Variants in EPSTI1 observed in about 807,000 individuals in gnomAD.
The protein encoded by EPSTI1 is epithelial stromal interaction 1, also known as epithelial-stromal interaction protein 1.
In EPSTI1, 66 loss-of-function variants were observed where a neutral mutation model predicts 49.9. The ratio of observed to expected loss-of-function variants is 1.32; its 90% CI spans 1.08 to 1.62. The LOEUF (loss-of-function observed/expected upper bound fraction) is 1.62. Ranked by LOEUF, EPSTI1 falls within the 40% of genes most tolerant of loss-of-function variation. The probability of loss-of-function intolerance (pLI) is 0.00; values close to 1 mark genes in which losing one functional copy is unlikely to be tolerated. For synonymous variants in EPSTI1, 137 were observed against 130.7 expected (o/e 1.05, Z -0.33); for missense variants, 394 against 365.5 (o/e 1.08, Z -0.64).
At chr13:42,946,077 T>C (rs1344734497) in intron 6 of EPSTI1, among the ~76,000 whole-genome samples, 1 of 152,198 alleles carries the variant, frequency 6.6e-6, no homozygotes, top group Non-Finnish European at 1.5e-5. Flanking sequence ...CTTAAGTGTC[T>C]TTCAGAAGCT....
chr13:42,969,213 T>C (rs759097368), intron 2 of EPSTI1, 36 bp from the exon 3 acceptor site: 1 of 1,599,992 alleles, frequency 6.3e-7, no homozygotes, highest in Admixed American at 1.7e-5. Context: ...CGTCAATTAT[T>C]AGACTTCTAA....
At chr13:42,948,235 G>A (rs1271958428) in intron 6 of EPSTI1, among the ~76,000 whole-genome samples, 1 of 152,224 alleles carries the variant, frequency 6.6e-6, no homozygotes, top group Non-Finnish European at 1.5e-5. Context: ...GAGGTGGAGT[G>A]GAGAGAGGGG....
intron 5 of EPSTI1, among the ~76,000 whole-genome samples, chr13:42,961,040 T>C (rs2039433096): frequency 6.6e-6 from 1 of 152,234 alleles, no homozygotes; most frequent in African/African-American, 2.4e-5. Context: ...AGCATTATTC[T>C]GCCCACTACA....
intron 8 of EPSTI1, among the ~76,000 whole-genome samples, chr13:42,913,316 T>C (rs960912): frequency 0.15 from 22,252 of 152,054 alleles, 1,952 homozygotes; most frequent in East Asian, 0.29. Flanking sequence ...AAATCTACTT[T>C]AAACAATGAC....
chr13:42,963,933 T>C (rs1055770132), intron 4 of EPSTI1, 133 bp downstream of exon 4: 3 of 689,406 alleles, frequency 4.4e-6, no homozygotes, highest in African/African-American at 3.7e-5. Context: ...GCTTTGATTC[T>C]GAAAGCTGCC....
chr13:42,979,603 GAAAA>G (rs1566178812), intron 1 of EPSTI1, among the ~76,000 whole-genome samples: 1 of 93,752 alleles, frequency 1.1e-5, no homozygotes, highest in East Asian at 2.7e-4. Context: ...AAAAAAAAAA[GAAAA>G]GAAAAGAAAT....
In EPSTI1 at chr13:42,922,125, A is replaced by G. The variant is rs1268547266; in HGVS notation, c.657+4211T>C. Among the ~76,000 whole-genome samples the G allele has an allele frequency of 6.6e-6, 1 of 152,222 alleles. No individual in the cohort carries two copies. The highest frequency in any genetic ancestry group is 1.5e-5 in the Non-Finnish European group (1 of 68,038). On this transcript the variant is annotated intron_variant, in intron 7 of 10. Coordinates refer to ENST00000313624, the MANE Select transcript of EPSTI1 (RefSeq NM_033255.5). The surrounding 1 kb of genome is among the most constrained non-coding windows in gnomAD (Gnocchi z 4.8). Reference sequence around the variant, plus strand: ...AAGCTCAAATTACTGAATAATTATAAGAATGAGAGGAAGAAATGAGTTAAT... The same window carrying G: ...AAGCTCAAATTACTGAATAATTATAGGAATGAGAGGAAGAAATGAGTTAAT...
chr13:42,977,066 A>G (rs2039895730), intron 1 of EPSTI1, among the ~76,000 whole-genome samples: 1 of 152,220 alleles, frequency 6.6e-6, no homozygotes, highest in South Asian at 2.1e-4. Flanking sequence ...ATTATAAATA[A>G]TCCTACAGGA....
intron 8 of EPSTI1, among the ~76,000 whole-genome samples, chr13:42,907,049 C>T (rs2037518758): frequency 6.6e-6 from 1 of 152,164 alleles, no homozygotes; most frequent in Non-Finnish European, 1.5e-5. Flanking sequence ...CTGTCAACCA[C>T]AGTCACTCCA....
intron 6 of EPSTI1, among the ~76,000 whole-genome samples, chr13:42,945,608 G>A (rs969432965): frequency 1.2e-4 from 19 of 152,194 alleles, no homozygotes; most frequent in Non-Finnish European, 1.5e-4. Context: ...AACTAAACTT[G>A]ACAAAACATG....
chr13:42,924,878 A>G (rs1033896329), intron 7 of EPSTI1, among the ~76,000 whole-genome samples: 4 of 152,224 alleles, frequency 2.6e-5, no homozygotes, highest in African/African-American at 9.6e-5. Context: ...CTGACATTTA[A>G]AAACATGGTC....
chr13:42,898,669 A>G (rs905118976), intron 9 of EPSTI1, among the ~76,000 whole-genome samples: 4 of 152,204 alleles, frequency 2.6e-5, no homozygotes, highest in Admixed American at 6.5e-5. Context: ...CAAGATTCCT[A>G]TAACAAAAAA....
intron 5 of EPSTI1, among the ~76,000 whole-genome samples, chr13:42,958,143 C>A (rs1157019425): frequency 6.6e-6 from 1 of 152,120 alleles, no homozygotes; most frequent in African/African-American, 2.4e-5. Context: ...GAAACAAAAG[C>A]CAAATTCAGC....
At position 42,984,945 on chromosome 13, in the gene EPSTI1, T is replaced by G. The variant is rs566845497; in HGVS notation, c.188+7033A>C. On this transcript the variant is annotated intron_variant, in intron 1 of 10. Transcript: ENST00000313624. Reference sequence around the variant, plus strand: ...AACAGACATAAATAAGATGTCTAAGTGTTGAGGTTGCAGTAGGGTGTTTTA... The same window carrying G: ...AACAGACATAAATAAGATGTCTAAGGGTTGAGGTTGCAGTAGGGTGTTTTA... 2.3e-4 allele frequency among the ~76,000 whole-genome samples: 35 copies of G among 152,174 alleles called. No individual in the cohort carries two copies. The Middle Eastern group carries it at 0.014, about 59-fold the overall frequency.
intron 1 of EPSTI1, among the ~76,000 whole-genome samples, chr13:42,975,755 T>G (rs1321977107): frequency 6.6e-6 from 1 of 151,892 alleles, no homozygotes; most frequent in Admixed American, 6.6e-5. Flanking sequence ...CCATATAGAA[T>G]CGACCTGAGA....
intron 6 of EPSTI1, among the ~76,000 whole-genome samples, chr13:42,943,435 T>G (rs534289915): frequency 2.0e-5 from 3 of 152,358 alleles, no homozygotes; most frequent in South Asian, 4.1e-4. Context: ...ATGTGGATTG[T>G]ATCAGTTAAT....
chr13:42,978,851 T>C (rs2039931464), intron 1 of EPSTI1, among the ~76,000 whole-genome samples: 1 of 152,240 alleles, frequency 6.6e-6, no homozygotes, highest in African/African-American at 2.4e-5. Context: ...CCTTTCTTCA[T>C]GCTGTGACTG....
Position 42,917,639 on chromosome 13 carries a change from A to AT in EPSTI1, c.658-16_658-15insA. The AT allele has an allele frequency of 7.9e-6, 9 of 1,133,184 alleles. No homozygotes were observed. Among genetic ancestry groups the AT allele is most frequent in the East Asian group, 2.7e-5 (1 of 37,264 alleles). The allele number at this position is 1,133,184 out of a possible 1,614,324, so 70.2% of individuals were successfully genotyped here. A position where few individuals can be genotyped will look rare whatever the true frequency, so the allele number is the denominator to read the frequency against. ...CAGCTTCTGGCCTGTAAAGGTACAA[A>AT]GAGAAAAAAAAAAAAAAAAACAACT... On this transcript the variant is annotated splice_polypyrimidine_tract_variant and intron_variant, in intron 7 of 10. Coordinates refer to ENST00000313624, the MANE Select transcript of EPSTI1 (RefSeq NM_033255.5).
chr13:42,920,225 A>G (rs536493965), intron 7 of EPSTI1, among the ~76,000 whole-genome samples: 2 of 152,312 alleles, frequency 1.3e-5, no homozygotes, highest in East Asian at 3.9e-4. Context: ...GTGGGTCTCA[A>G]CCCATGACAA....
Sources: allele counts gnomAD v4.1 joint callset (sites outside exome capture counted in the v4.1 genomes callset), GRCh38; gene constraint gnomAD v4.1.1; non-coding constraint Gnocchi (gnomAD v3.1); transcripts MANE v1.5; gene names NCBI Gene and HGNC (gene_info 2026-07-23, HGNC 2026-07-21).